COL6A5: variants seen among roughly 807,000 people sequenced by gnomAD.
COL6A5 encodes collagen type VI alpha 5 chain.
COL6A5 carries 48 observed loss-of-function variants against 65.6 expected under a neutral mutation model. The ratio of observed to expected loss-of-function variants is 0.73; its 90% CI spans 0.58 to 0.93. COL6A5 has a LOEUF of 0.93. Among genes scored for constraint, COL6A5 ranks in the 40% least tolerant of loss-of-function variants. The pLI, the probability that COL6A5 is intolerant of heterozygous loss-of-function variation, is 0.00. For synonymous variants in COL6A5, 291 were observed against 322.8 expected (o/e 0.90, Z 1.05); for missense variants, 914 against 928.3 (o/e 0.98, Z 0.20).
intron 1 of COL6A5, among the ~76,000 whole-genome samples, chr3:130,358,033 CA>C (rs1167779721): frequency 6.6e-6 from 1 of 151,730 alleles, no homozygotes; most frequent in Non-Finnish European, 1.5e-5. Context: ...ACTAAAAATA[CA>C]AAAAATTAGC....
intron 20 of COL6A5, among the ~76,000 whole-genome samples, chr3:130,412,321 C>G (rs1240842050): frequency 2.0e-5 from 3 of 152,110 alleles, no homozygotes; most frequent in Admixed American, 6.6e-5. Flanking sequence ...GCAGCTTGCC[C>G]AAGGTCACAA....
chr3:130,416,790 A>C (rs1400671710), exon 24 of COL6A5: 1 of 1,533,608 alleles, frequency 6.5e-7, no homozygotes, highest in Non-Finnish European at 8.8e-7. Flanking sequence ...TAAAGGGAGC[A>C]CTGGAAGACC....
intron 20 of COL6A5, 51 bp downstream of exon 20, chr3:130,410,575 C>A: frequency 7.1e-7 from 1 of 1,409,516 alleles, no homozygotes; most frequent in Non-Finnish European, 9.8e-7. Context: ...TTGAAGATGA[C>A]AGAGGCATTC....
chr3:130,417,802 C>T (rs757756654), intron 24 of COL6A5, among the ~76,000 whole-genome samples: 1 of 152,122 alleles, frequency 6.6e-6, no homozygotes, highest in Non-Finnish European at 1.5e-5. Context: ...TAATGCTCTG[C>T]TGTCATGGTC....
At chr3:130,429,419 A>G (rs924236291), upstream of COL6A5, among the ~76,000 whole-genome samples, 6 of 152,212 alleles carry the variant, frequency 3.9e-5, no homozygotes, top group Non-Finnish European at 5.9e-5. Context: ...ATCTTCCTCA[A>G]TACTTTAACC....
intron 25 of COL6A5, among the ~76,000 whole-genome samples, chr3:130,420,158 G>GGAAGAA (rs1937485398): frequency 1.1e-5 from 1 of 94,452 alleles, no homozygotes; most frequent in Non-Finnish European, 2.7e-5. Context: ...GGAAGGAAGA[G>GGAAGAA]AGGAAAGAAG....
chr3:130,402,429 T>C (rs962565151), intron 12 of COL6A5, among the ~76,000 whole-genome samples: 1 of 152,192 alleles, frequency 6.6e-6, no homozygotes. Context: ...ATATTTTCAA[T>C]AAAATATGTC....
intron 7 of COL6A5, among the ~76,000 whole-genome samples, 194 bp downstream of exon 7, chr3:130,391,948 A>G (rs1210813437): frequency 2.6e-5 from 4 of 152,184 alleles, no homozygotes. Flanking sequence ...TCACCACAGC[A>G]TGCACTGAAG....
At chr3:130,405,648 T>C (rs1478588778) in exon 14 of COL6A5, 2 of 1,549,392 alleles carry the variant, frequency 1.3e-6, no homozygotes, top group Non-Finnish European at 1.7e-6. Flanking sequence ...TCCAGGGGCG[T>C]GGGGTCAGAA....
chr3:130,388,704 A>G (rs1408938634), exon 6 of COL6A5: 1 of 1,551,402 alleles, frequency 6.4e-7, no homozygotes, highest in Admixed American at 2.0e-5. Context: ...AAATTGGTGC[A>G]GACAAAACCC....
At chr3:130,433,515 C>T (rs1271013208) in intron 1 of COL6A5, among the ~76,000 whole-genome samples, 1 of 152,190 alleles carries the variant, frequency 6.6e-6, no homozygotes, top group Non-Finnish European at 1.5e-5. Context: ...GACTGCATAT[C>T]ACGCCTTGAG....
At chr3:130,467,816 G>A (rs1454527462) in intron 5 of COL6A5, among the ~76,000 whole-genome samples, 1 of 150,952 alleles carries the variant, frequency 6.6e-6, no homozygotes, top group Non-Finnish European at 1.5e-5. Flanking sequence ...GAGTAGAAAT[G>A]GAGATCAATA....
chr3:130,405,914 T>C, intron 14 of COL6A5, 79 bp from the exon 15 acceptor site: 1 of 1,354,770 alleles, frequency 7.4e-7, no homozygotes, highest in South Asian at 1.3e-5. Flanking sequence ...AAATACATGC[T>C]CACTCACTTT....
exon 3 of COL6A5, chr3:130,376,455 C>T: frequency 6.2e-7 from 1 of 1,612,234 alleles, no homozygotes; most frequent in Non-Finnish European, 8.5e-7. Context: ...CATGCTGAAC[C>T]ACCTCAAGAA....
chr3:130,401,851 G>T, exon 12 of COL6A5: 2 of 1,550,172 alleles, frequency 1.3e-6, no homozygotes, highest in Non-Finnish European at 1.7e-6. Context: ...TACAAGCCAT[G>T]AAGGTGCCAC....
At chr3:130,449,140 G>A (rs1488886857) in intron 4 of COL6A5, among the ~76,000 whole-genome samples, 1 of 152,166 alleles carries the variant, frequency 6.6e-6, no homozygotes, top group Non-Finnish European at 1.5e-5. Context: ...TCTTTAGAAA[G>A]CAGCCACTGC....
chr3:130,370,600 A>T (rs1324361151), intron 1 of COL6A5, among the ~76,000 whole-genome samples: 1 of 152,216 alleles, frequency 6.6e-6, no homozygotes. Context: ...TCATTTCAGA[A>T]GCATGAACAA....
intron 25 of COL6A5, among the ~76,000 whole-genome samples, chr3:130,419,723 C>G (rs573514846): frequency 6.6e-6 from 1 of 152,106 alleles, no homozygotes; most frequent in South Asian, 2.1e-4. Flanking sequence ...AAGTCAAAAT[C>G]ATAGAAACAG....
At position 130,408,295 on chromosome 3, in the gene COL6A5, G is replaced by A. The variant is rs142847231; in HGVS notation, c.4480-1031G>A. 4.6e-5 allele frequency among the ~76,000 whole-genome samples: 7 copies of A among 150,982 alleles called. No individual in the cohort carries two copies. In the East Asian group the frequency reaches 1.4e-3, roughly 30 times the overall value. On this transcript the variant is annotated intron_variant and NMD_transcript_variant, in intron 17 of 41. Coordinates refer to the COL6A5 transcript ENST00000312481. Reference sequence around the variant, plus strand: ...GGGGGTGGTGGCAGGGGGTGGGGGCGGGTCTCTAAAATGGCTGCTCTGGGA... The same window carrying A: ...GGGGGTGGTGGCAGGGGGTGGGGGCAGGTCTCTAAAATGGCTGCTCTGGGA...
Sources: gnomAD v4.1 joint callset for allele counts (sites outside exome capture counted in the v4.1 genomes callset) on GRCh38, gnomAD v4.1.1 for gene constraint, MANE v1.5 for transcripts, NCBI Gene and HGNC (gene_info 2026-07-23, HGNC 2026-07-21) for gene names.